The following TET3 variants were observed in gnomAD, a reference collection of about 807,000 sequenced individuals.
The protein encoded by TET3 is methylcytosine dioxygenase TET3.
Under a neutral mutation model 141.4 loss-of-function variants are expected in TET3, and 19 were observed. The observed-to-expected ratio is 0.13, with a 90% confidence interval of 0.09 to 0.20. The LOEUF is 0.20. Ranked by LOEUF, TET3 falls within the 10% of genes least tolerant of loss-of-function variation. TET3 has a pLI of 1.00. For missense variants in TET3, 1,874 were observed against 2,356.9 expected, an observed-to-expected ratio of 0.80 and a Z score of 4.24; for synonymous variants, 1,043 against 980.9, an observed-to-expected ratio of 1.06 and a Z score of -1.18.
Position 74,019,290 on chromosome 2 carries a change from G to A in TET3, c.360+16124G>A, listed in dbSNP as rs183334614. Among the ~76,000 whole-genome samples, 428 of 152,252 alleles carry A rather than the reference G, an allele frequency of 2.8e-3. 3 individuals are homozygous for A. The highest frequency in any genetic ancestry group is 4.9e-3 in the Non-Finnish European group (331 of 68,010). On this transcript the variant is annotated intron_variant, in intron 3 of 11. Coordinates refer to ENST00000409262, the MANE Select transcript of TET3 (RefSeq NM_001287491.2). ...ACCAAACAAACAAAATAAATGAAAC[G>A]TTTTAAGGTTTTCTTCTTACACATT...
In TET3 at chr2:74,001,408, C is replaced by T. The variant is rs139390966; in HGVS notation, c.304-1702C>T. On this transcript the variant is annotated intron_variant, in intron 2 of 11. Coordinates refer to ENST00000409262, the MANE Select transcript of TET3 (RefSeq NM_001287491.2). ...ATCTGTGAGAATGAGAAGGAGCACC[C>T]AGTGAGCTCTTCCAGAAATTGATTC... Among the ~76,000 whole-genome samples, 17 of 152,296 alleles carry T rather than the reference C, an allele frequency of 1.1e-4. No homozygotes were observed. In the East Asian group the frequency reaches 2.7e-3, roughly 24 times the overall value.
chr2:74,008,252 A>G (rs1473736199), intron 3 of TET3, among the ~76,000 whole-genome samples: 1 of 152,170 alleles, frequency 6.6e-6, no homozygotes, highest in Non-Finnish European at 1.5e-5. Context: ...TGAGTGCCCC[A>G]AAAGATTTAC....
chr2:74,054,639 C>T (rs967284581), intron 4 of TET3, among the ~76,000 whole-genome samples: 2 of 151,924 alleles, frequency 1.3e-5, no homozygotes, highest in African/African-American at 4.8e-5. Context: ...TGGAAGTTAC[C>T]ACCATTTAGG....
the TET3 span, among the ~76,000 whole-genome samples, chr2:74,114,853 CAA>C: frequency 1.2e-3 from 53 of 43,876 alleles, 1 homozygote; most frequent in South Asian, 0.024. Flanking sequence ...GACTCTGTCT[CAA>C]AAAAAAAAAA....
In TET3 at chr2:74,102,967, A is replaced by T. The variant is rs1236658060; in HGVS notation, c.*791A>T. The T allele has an allele frequency of 6.6e-6, 1 of 152,174 alleles. No individual in the cohort carries two copies. 9.4% of individuals were successfully genotyped at this position (152,174 alleles called of 1,614,324 possible). A position where few individuals can be genotyped will look rare whatever the true frequency, so the allele number is the denominator to read the frequency against. ...TCCCCAGAAACCAGGTTGGAAGTAG[A>T]TGGCTTCAAGCTTGCTAGTCTCCAC... On this transcript the variant is annotated 3_prime_UTR_variant, in exon 12 of 12. Transcript: ENST00000409262.
chr2:74,101,711 C>G lies in TET3; in HGVS notation c.4923C>G (p.Asp1641Glu). 6.2e-7 allele frequency: 1 copy of G among 1,613,554 alleles called. No individual in the cohort carries two copies. The highest frequency in any genetic ancestry group is 8.5e-7 in the Non-Finnish European group (1 of 1,179,896). The change falls in exon 12 of 12, where the codon GAC becomes GAG. Residue 1641 changes from aspartate to glutamate, a missense_variant. Asp to Glu is a conservative substitution (Grantham distance 45). Coordinates refer to ENST00000409262, the MANE Select transcript of TET3 (RefSeq NM_001287491.2). This position sits in a 1 kb window ranked among gnomAD's most constrained non-coding sequence, Gnocchi z 8.5. ...AEEEEEELWS[D>E]SEHNFLDENI... Reference sequence around the variant, plus strand: ...AGGAAGAGGAGGAGCTGTGGTCGGACAGTGAACACAACTTCCTGGACGAGA... The same window carrying G: ...AGGAAGAGGAGGAGCTGTGGTCGGAGAGTGAACACAACTTCCTGGACGAGA...
chr2:74,127,000 G>C, the TET3 span, among the ~76,000 whole-genome samples: 1 of 152,212 alleles, frequency 6.6e-6, no homozygotes, highest in African/African-American at 2.4e-5. Context: ...ACCAAGTCCA[G>C]TGTTTAATGG....
chr2:74,086,432 A>C (rs1483098740), intron 6 of TET3, among the ~76,000 whole-genome samples: 1 of 152,160 alleles, frequency 6.6e-6, no homozygotes, highest in Non-Finnish European at 1.5e-5. Context: ...CATACAGTTC[A>C]CACATTTGAA....
At chr2:74,033,838 G>C (rs912159261) in intron 3 of TET3, among the ~76,000 whole-genome samples, 4 of 152,204 alleles carry the variant, frequency 2.6e-5, no homozygotes, top group Non-Finnish European at 5.9e-5. Context: ...GCTCACTCCT[G>C]TAATCCCAGC....
Position 74,047,413 on chromosome 2 carries a change from C to T in TET3, c.1496C>T (p.Pro499Leu), listed in dbSNP as rs200362611. 3.8e-4 allele frequency: 607 copies of T among 1,612,452 alleles called. No individual in the cohort carries two copies. Among genetic ancestry groups the T allele is most frequent in the Non-Finnish European group, 4.8e-4 (563 of 1,179,618 alleles). Residue 499 changes from proline (P) to leucine (L), a missense_variant, in exon 4 of 12, where the codon CCG becomes CTG. Transcript: ENST00000409262. The part of the protein sequence containing the change: ...KVKVEAPSSS[P>L]APAPSPVLQR... ...AAGGTGGAGGCACCCTCTTCCTCCC[C>T]GGCCCCGGCCCCATCCCCTGTACTT...
intron 4 of TET3, among the ~76,000 whole-genome samples, chr2:74,052,089 C>T (rs1421641618): frequency 1.3e-5 from 2 of 152,194 alleles, no homozygotes; most frequent in African/African-American, 4.8e-5. Context: ...AAGCAGTTCT[C>T]ATGCCTCGAC....
chr2:74,040,851 C>T (rs1443299805), intron 3 of TET3, among the ~76,000 whole-genome samples: 5 of 152,142 alleles, frequency 3.3e-5, no homozygotes, highest in African/African-American at 7.2e-5. Context: ...GCCACGATCG[C>T]GCAACTGCAC....
chr2:74,003,078 T>G (rs1684949894), intron 2 of TET3, 32 bp from the exon 3 acceptor site: 3 of 1,550,276 alleles, frequency 1.9e-6, no homozygotes, highest in Non-Finnish European at 2.6e-6. Context: ...GGTACCCGCC[T>G]GGCTCACACG....
chr2:74,079,042 G>A (rs561793510), intron 5 of TET3, among the ~76,000 whole-genome samples: 5 of 152,260 alleles, frequency 3.3e-5, no homozygotes, highest in East Asian at 3.9e-4. Context: ...AGAGATGCCC[G>A]CCAGCCCTTC....
chr2:74,003,085 C>A, intron 2 of TET3, 25 bp from the exon 3 acceptor site: 1 of 1,550,504 alleles, frequency 6.4e-7, no homozygotes, highest in Non-Finnish European at 8.7e-7. Context: ...GCCTGGCTCA[C>A]ACGTTCCTCT....
intron 2 of TET3, among the ~76,000 whole-genome samples, chr2:73,990,457 G>T (rs1684266851): frequency 6.6e-6 from 1 of 152,144 alleles, no homozygotes; most frequent in Non-Finnish European, 1.5e-5. Context: ...GGAGGAGTTT[G>T]CCAGCCTCTG....
At chr2:74,062,837 C>T (rs978148677) in intron 4 of TET3, among the ~76,000 whole-genome samples, 3 of 151,452 alleles carry the variant, frequency 2.0e-5, no homozygotes, top group Non-Finnish European at 4.4e-5. Flanking sequence ...AAAAAGAGAA[C>T]CGTATGCTGA....
chr2:74,089,525 T>C (rs1241517339), intron 7 of TET3, among the ~76,000 whole-genome samples: 1 of 152,250 alleles, frequency 6.6e-6, no homozygotes, highest in Non-Finnish European at 1.5e-5. Flanking sequence ...ACCCTGGGGC[T>C]CACATCATTT....
Position 74,102,459 on chromosome 2 carries a change from T to G in TET3, c.*283T>G. 1 of 269,994 alleles carries G rather than the reference T, an allele frequency of 3.7e-6. No homozygotes were observed. The highest frequency in any genetic ancestry group is 6.8e-6 in the Non-Finnish European group (1 of 147,080). 16.7% of individuals were successfully genotyped at this position (269,994 alleles called of 1,614,324 possible). On this transcript the variant is annotated 3_prime_UTR_variant, in exon 12 of 12. Transcript: ENST00000409262. ...ATATCTCCAAGTTGTCCCCCCCCCT[T>G]GTCTGGGGGGTTTTTATTTTTATTT...
Sources: gnomAD v4.1 joint callset for allele counts (sites outside exome capture counted in the v4.1 genomes callset) on GRCh38, gnomAD v4.1.1 for gene constraint, Gnocchi (gnomAD v3.1) non-coding constraint, MANE v1.5 for transcripts, NCBI Gene and HGNC (gene_info 2026-07-23, HGNC 2026-07-21) for gene names.